Variants in C1orf52 observed in about 807,000 individuals in gnomAD.
C1orf52 encodes the protein chromosome 1 open reading frame 52.
Under a neutral mutation model 17.2 loss-of-function variants are expected in C1orf52, and 5 were observed. The observed-to-expected ratio is 0.29, with a 90% CI of 0.15 to 0.61. The LOEUF is 0.61. C1orf52 is among the 20% of genes least tolerant of loss of function. The pLI is 0.85. For synonymous variants in C1orf52, 110 were observed against 88.0 expected (o/e 1.25, Z -1.40); for missense variants, 245 against 234.1 (o/e 1.05, Z -0.30).
rs748357524 is a variant in C1orf52 at position 85,259,653 on chromosome 1, C to A, written c.-20G>T. Reference sequence around the variant, plus strand: ...TGCCATGACGGCTGCGAGCGACAACCCAGCACTCCGCCGGAAGCCGGAAAC... The same window carrying A: ...TGCCATGACGGCTGCGAGCGACAACACAGCACTCCGCCGGAAGCCGGAAAC... On this transcript the variant is annotated 5_prime_UTR_variant, in exon 1 of 3. Transcript: ENST00000471115. 8 of 1,511,072 alleles carry A rather than the reference C, an allele frequency of 5.3e-6. No individual in the cohort carries two copies. In the Admixed American group the frequency reaches 1.3e-4, roughly 24 times the overall value. 93.6% of individuals were successfully genotyped at this position (1,511,072 alleles called of 1,614,324 possible).
intron 2 of C1orf52, among the ~76,000 whole-genome samples, chr1:85,255,221 A>G (rs769915902): frequency 4.6e-5 from 7 of 152,186 alleles, no homozygotes; most frequent in African/African-American, 1.2e-4. Flanking sequence ...GCTACAACTA[A>G]TAACTAAGCT....
At chr1:85,257,832 C>T (rs1352356639) in intron 2 of C1orf52, among the ~76,000 whole-genome samples, 2 of 152,210 alleles carry the variant, frequency 1.3e-5, no homozygotes, top group Admixed American at 6.5e-5. Context: ...CGGCCGGGAG[C>T]GGTGGCTCAC....
Position 85,251,200 on chromosome 1 carries a change from G to C in C1orf52, c.*1429C>G, listed in dbSNP as rs1173049064. On this transcript the variant is annotated 3_prime_UTR_variant, in exon 3 of 3. Coordinates refer to ENST00000471115, the MANE Select transcript of C1orf52 (RefSeq NM_198077.4). ...AAACAGATTTAAAAAAAAATACTTAGATTATGTCTTTTTCTTTCTAAATTA... is the reference window on the plus strand; with the variant it reads ...AAACAGATTTAAAAAAAAATACTTACATTATGTCTTTTTCTTTCTAAATTA... 1 of 152,110 alleles carries C rather than the reference G, an allele frequency of 6.6e-6. No individual in the cohort carries two copies. Among genetic ancestry groups the C allele is most frequent in the East Asian group, 1.9e-4 (1 of 5,192 alleles). The allele number at this position is 152,110 out of a possible 1,614,324, so 9.4% of individuals were successfully genotyped here.
rs1403284172 is a variant in C1orf52, at chr1:85,250,655, G to GAA, written c.*1972_*1973dup. On this transcript the variant is annotated 3_prime_UTR_variant, in exon 3 of 3. Coordinates refer to ENST00000471115, the MANE Select transcript of C1orf52 (RefSeq NM_198077.4). ...CTCTGCACATCTCCCAGGAAAGAGA[G>GAA]AAAAAAGTTTGCTTTCATGCTAACT... 6.6e-6 allele frequency: 1 copy of GAA among 152,186 alleles called. No homozygotes were observed. The highest frequency in any genetic ancestry group is 2.4e-5 in the African/African-American group (1 of 41,454). The allele number at this position is 152,186 out of a possible 1,614,324, so 9.4% of individuals were successfully genotyped here.
chr1:85,252,529 T>C lies in C1orf52; in HGVS notation c.*100A>G, dbSNP rs1487207075. 87 of 925,622 alleles carry C rather than the reference T, an allele frequency of 9.4e-5. No individual in the cohort carries two copies. In the East Asian group the frequency reaches 2.1e-3, roughly 22 times the overall value. 57.3% of individuals were successfully genotyped at this position (925,622 alleles called of 1,614,324 possible). A position where few individuals can be genotyped will look rare whatever the true frequency, so the allele number is the denominator to read the frequency against. On this transcript the variant is annotated 3_prime_UTR_variant, in exon 3 of 3. Coordinates refer to ENST00000471115, the MANE Select transcript of C1orf52 (RefSeq NM_198077.4). ...CTTATTAGTTCATTAACGTATGCATTTTCATGGAGATGTGGCATAATAACC... is the reference window on the plus strand; with the variant it reads ...CTTATTAGTTCATTAACGTATGCATCTTCATGGAGATGTGGCATAATAACC...
intron 2 of C1orf52, among the ~76,000 whole-genome samples, chr1:85,253,784 A>T (rs1285688270): frequency 1.3e-5 from 2 of 152,110 alleles, no homozygotes; most frequent in Non-Finnish European, 2.9e-5. Flanking sequence ...AAAAAAAAAT[A>T]CAGGGTAGCA....
intron 2 of C1orf52, among the ~76,000 whole-genome samples, chr1:85,256,049 G>A (rs1421499243): frequency 6.6e-6 from 1 of 152,190 alleles, no homozygotes; most frequent in Non-Finnish European, 1.5e-5. Flanking sequence ...AGATGTGAGA[G>A]CACCAGCCTA....
Position 85,251,296 on chromosome 1 carries a change from C to A in C1orf52, c.*1333G>T, listed in dbSNP as rs35798604. ...CAACTCTTGGCCTCAAGCTATCCTC[C>A]CACCTTGGCCTCCCAAAGTGCTGGG... On this transcript the variant is annotated 3_prime_UTR_variant, in exon 3 of 3. Transcript: ENST00000471115. 14,978 of 152,200 alleles carry A rather than the reference C, an allele frequency of 0.098. 852 individuals carry two copies. Among genetic ancestry groups the A allele is most frequent in the South Asian group, 0.21 (993 of 4,818 alleles). The allele number at this position is 152,200 out of a possible 1,614,324, so 9.4% of individuals were successfully genotyped here. A position where few individuals can be genotyped will look rare whatever the true frequency, so the allele number is the denominator to read the frequency against.
chr1:85,259,401 T>C lies in C1orf52; in HGVS notation c.233A>G (p.Lys78Arg), dbSNP rs1046142771. ...GACGTGCCTCTCCCAGTCTATCTGT[T>C]TGTTGAGCGGATTGTAGAGAAAGGC... ...RPAFLYNPLNKQIDWERHVVK... is the reference protein window; with the variant it reads ...RPAFLYNPLNRQIDWERHVVK... Residue 78 changes from lysine (K) to arginine (R), a missense_variant, in exon 1 of 3, where the codon AAA becomes AGA. Physicochemically the swap from Lys to Arg is conservative, Grantham distance 26 (BLOSUM62 2). Transcript: ENST00000471115. 6.8e-6 allele frequency: 11 copies of C among 1,613,952 alleles called. No individual in the cohort carries two copies. The Admixed American group carries it at 1.7e-4, about 24-fold the overall frequency.
chr1:85,258,515 T>C lies in C1orf52; in HGVS notation c.475+9A>G, dbSNP rs1660002000. On this transcript the variant is annotated intron_variant, in intron 2 of 2. Transcript: ENST00000471115. Reference sequence around the variant, plus strand: ...AAATAGACCACCATCGGATTCTGACTTTCCTTACCTGATTCCAACGTCTCC... The same window carrying C: ...AAATAGACCACCATCGGATTCTGACCTTCCTTACCTGATTCCAACGTCTCC... The C allele has an allele frequency of 1.2e-6, 2 of 1,608,620 alleles. No homozygotes were observed. Among genetic ancestry groups the C allele is most frequent in the Non-Finnish European group, 1.7e-6 (2 of 1,177,506 alleles).
At chr1:85,256,033 C>A (rs1023797376) in intron 2 of C1orf52, among the ~76,000 whole-genome samples, 3 of 152,186 alleles carry the variant, frequency 2.0e-5, no homozygotes, top group African/African-American at 7.2e-5. Flanking sequence ...TTCCATATAA[C>A]TACAAAGATG....
At chr1:85,259,246 C>G in intron 1 of C1orf52, 112 bp downstream of exon 1, 2 of 1,357,112 alleles carry the variant, frequency 1.5e-6, no homozygotes, top group South Asian at 2.7e-5. Context: ...GTGCGGCATC[C>G]CGCGGGGGTG....
chr1:85,258,824 CTTTT>C (rs890915768), intron 1 of C1orf52, 102 bp from the exon 2 acceptor site: 8 of 1,394,836 alleles, frequency 5.7e-6, no homozygotes, highest in Non-Finnish European at 9.4e-7. Context: ...TTCAGGCTGA[CTTTT>C]TTTTTCTTTA....
intron 2 of C1orf52, among the ~76,000 whole-genome samples, chr1:85,256,798 C>CAAA (rs1159075154): frequency 1.3e-4 from 12 of 93,742 alleles, no homozygotes; most frequent in South Asian, 3.7e-4. Context: ...GACTCCGCCT[C>CAAA]AAAAAAAAAA....
At position 85,251,740 on chromosome 1, in the gene C1orf52, A is replaced by G. The variant is rs1659807457; in HGVS notation, c.*889T>C. ...TTACAATTTAATAAAGAAATTAATG[A>G]ATAACCATAAAGCACAGATGACAAG... is the stretch of plus-strand genomic sequence containing the variant. On this transcript the variant is annotated 3_prime_UTR_variant, in exon 3 of 3. Transcript: ENST00000471115. 1 of 152,232 alleles carries G rather than the reference A, an allele frequency of 6.6e-6. No homozygotes were observed. Among genetic ancestry groups the G allele is most frequent in the Non-Finnish European group, 1.5e-5 (1 of 68,040 alleles). The allele number at this position is 152,232 out of a possible 1,614,324, so 9.4% of individuals were successfully genotyped here.
At chr1:85,259,090 A>C in intron 1 of C1orf52, 1 of 1,336,288 alleles carries the variant, frequency 7.5e-7, no homozygotes, top group Non-Finnish European at 9.6e-7. Context: ...GGGAGTCACC[A>C]CTGTTAGTCC....
intron 2 of C1orf52, chr1:85,257,613 A>C: frequency 1.6e-6 from 1 of 640,918 alleles, no homozygotes; most frequent in Non-Finnish European, 2.8e-6. Flanking sequence ...CACTAGCTGC[A>C]GTGAAGGATG....
chr1:85,258,849 A>C (rs914635388), intron 1 of C1orf52, 127 bp from the exon 2 acceptor site: 46 of 1,418,988 alleles, frequency 3.2e-5, no homozygotes, highest in Non-Finnish European at 4.1e-5. Context: ...AGGTTGAAAG[A>C]CACATTTTTC....
chr1:85,255,654 C>A (rs1429253795), intron 2 of C1orf52, among the ~76,000 whole-genome samples: 1 of 151,582 alleles, frequency 6.6e-6, no homozygotes, highest in Non-Finnish European at 1.5e-5. Flanking sequence ...CGTTAACCGG[C>A]AATAAAAGGC....
Sources: allele counts gnomAD v4.1 joint callset (sites outside exome capture counted in the v4.1 genomes callset), GRCh38; gene constraint gnomAD v4.1.1; transcripts MANE v1.5; gene names NCBI Gene and HGNC (gene_info 2026-07-23, HGNC 2026-07-21).